BCAP29: variants seen among roughly 807,000 people sequenced by gnomAD.
BCAP29 encodes the protein B cell receptor associated protein 29, also known as B-cell receptor-associated protein 29.
BCAP29 carries 34 observed loss-of-function variants against 31.8 expected under a neutral mutation model. The ratio of observed to expected loss-of-function variants is 1.07; its 90% CI spans 0.81 to 1.42. The LOEUF (loss-of-function observed/expected upper bound fraction) is 1.42. Ranked by LOEUF, BCAP29 falls within the 40% of genes most tolerant of loss-of-function variation. The pLI is 0.00. For synonymous variants in BCAP29, 104 were observed against 91.3 expected (o/e 1.14, Z -0.79); for missense variants, 314 against 269.2 (o/e 1.17, Z -1.16).
chr7:107,580,904 C>A, intron 2 of BCAP29, 40 bp downstream of exon 2: 1 of 1,456,294 alleles, frequency 6.9e-7, no homozygotes, highest in South Asian at 1.3e-5. Flanking sequence ...AATATTGGAT[C>A]GCTCTTAATG....
At chr7:107,597,779 T>G (rs372566499) in intron 5 of BCAP29, among the ~76,000 whole-genome samples, 2 of 152,230 alleles carry the variant, frequency 1.3e-5, no homozygotes, top group African/African-American at 4.8e-5. Context: ...AACTCCTATG[T>G]TATCTGATAG....
chr7:107,595,866 G>C lies in BCAP29; in HGVS notation c.345-1G>C. The C allele has an allele frequency of 6.3e-7, 1 of 1,590,466 alleles. No homozygotes were observed. The highest frequency in any genetic ancestry group is 8.5e-7 in the Non-Finnish European group (1 of 1,173,736). On this transcript the variant is annotated splice_acceptor_variant, in intron 4 of 7. Coordinates refer to ENST00000005259, the MANE Select transcript of BCAP29 (RefSeq NM_018844.4). LOFTEE classifies it high-confidence loss of function. ...TACATTATTCTGGTTTTTTTTCTTAGAGTTTTGAGACGTCTGGTTACGCTT... is the reference window on the plus strand; with the variant it reads ...TACATTATTCTGGTTTTTTTTCTTACAGTTTTGAGACGTCTGGTTACGCTT...
At chr7:107,594,303 T>C in intron 4 of BCAP29, 198 bp downstream of exon 4, 1 of 544,576 alleles carries the variant, frequency 1.8e-6, no homozygotes, top group Non-Finnish European at 3.2e-6. Flanking sequence ...ATCCTGCCTC[T>C]TCAACCTCTC....
chr7:107,613,692 C>T, intron 7 of BCAP29: 1 of 1,605,156 alleles, frequency 6.2e-7, no homozygotes, highest in Non-Finnish European at 8.5e-7. Flanking sequence ...AAAGAAGCCA[C>T]AAAAATGGCA....
At chr7:107,615,950 C>T (rs2129293294) in intron 7 of BCAP29, 1 of 152,520 alleles carries the variant, frequency 6.6e-6, no homozygotes, top group South Asian at 2.1e-4. Context: ...TCGAAAGTAA[C>T]TAGAAAGTGA....
At chr7:107,582,468 A>T (rs1177250512) in intron 2 of BCAP29, among the ~76,000 whole-genome samples, 1 of 152,156 alleles carries the variant, frequency 6.6e-6, no homozygotes, top group Non-Finnish European at 1.5e-5. Flanking sequence ...ATATTTCATC[A>T]TTTAGTCTCT....
chr7:107,618,387 A>G lies in BCAP29; in HGVS notation c.*24A>G. The G allele has an allele frequency of 2.5e-6, 4 of 1,611,738 alleles. No homozygotes were observed. Among genetic ancestry groups the G allele is most frequent in the Non-Finnish European group, 3.4e-6 (4 of 1,178,208 alleles). On this transcript the variant is annotated 3_prime_UTR_variant, in exon 8 of 8. Coordinates refer to ENST00000005259, the MANE Select transcript of BCAP29 (RefSeq NM_018844.4). ...GAACTTTATAAAAGACACTTGCAATATACTGTGTCAAAATGATAATTTTGT... is the reference window on the plus strand; with the variant it reads ...GAACTTTATAAAAGACACTTGCAATGTACTGTGTCAAAATGATAATTTTGT...
In BCAP29 at chr7:107,613,748, T is replaced by G. The variant is rs771694294; in HGVS notation, c.690+316T>G. ...TCTAGAAAAGGTGAGTTTTGCTCTTTGGGATGTTTGCCATATTCATGCCAA... is the reference window on the plus strand; with the variant it reads ...TCTAGAAAAGGTGAGTTTTGCTCTTGGGGATGTTTGCCATATTCATGCCAA... On this transcript the variant is annotated intron_variant, in intron 7 of 7. Coordinates refer to ENST00000005259, the MANE Select transcript of BCAP29 (RefSeq NM_018844.4). 4 of 1,608,614 alleles carry G rather than the reference T, an allele frequency of 2.5e-6. No homozygotes were observed. In the African/African-American group the frequency reaches 5.4e-5, roughly 22 times the overall value.
Position 107,593,599 on chromosome 7 carries a change from A to G in BCAP29, c.194-356A>G, listed in dbSNP as rs114559238. On this transcript the variant is annotated intron_variant, in intron 3 of 7. Transcript: ENST00000005259. ...CTCTTGGAATTGATTGTAATGGGAT[A>G]TGACATCTGTCATTGTCAATAGGCT... 4.4e-3 allele frequency among the ~76,000 whole-genome samples: 668 copies of G among 152,352 alleles called. 8 individuals carry two copies. The highest frequency in any genetic ancestry group is 0.015 in the African/African-American group (630 of 41,588).
rs1563141354 is a variant in BCAP29, at chr7:107,612,418, TATATATATATATATA to T, written c.590-913_590-899del. Among the ~76,000 whole-genome samples the T allele has an allele frequency of 5.6e-3, 244 of 43,272 alleles. 4 individuals carry two copies. Among genetic ancestry groups the T allele is most frequent in the South Asian group, 0.015 (8 of 540 alleles). The allele number at this position is 43,272 out of a possible 152,430, so 28.4% of individuals were successfully genotyped here. A position where few individuals can be genotyped will look rare whatever the true frequency, so the allele number is the denominator to read the frequency against. ...ATATATATATATATATATATATATA[TATATATATATATATA>T]TATATATTTATTTTACTTCTATCTA... On this transcript the variant is annotated intron_variant, in intron 6 of 7. Coordinates refer to ENST00000005259, the MANE Select transcript of BCAP29 (RefSeq NM_018844.4).
intron 6 of BCAP29, among the ~76,000 whole-genome samples, chr7:107,605,045 A>G (rs1811833657): frequency 6.6e-6 from 1 of 152,134 alleles, no homozygotes; most frequent in Admixed American, 6.6e-5. Flanking sequence ...CTATCAGAGT[A>G]CTTTTCTTGG....
At chr7:107,611,700 C>T (rs1424146026) in intron 6 of BCAP29, among the ~76,000 whole-genome samples, 1 of 152,172 alleles carries the variant, frequency 6.6e-6, no homozygotes, top group Non-Finnish European at 1.5e-5. Flanking sequence ...AAGTGTCTTC[C>T]ATACCTGACT....
intron 7 of BCAP29, chr7:107,613,808 A>G: frequency 2.8e-6 from 3 of 1,067,100 alleles, no homozygotes; most frequent in East Asian, 4.8e-5. Flanking sequence ...ACATCACACT[A>G]CTCTTGTCTC....
chr7:107,608,565 C>G (rs1812583649), intron 6 of BCAP29, among the ~76,000 whole-genome samples: 1 of 151,948 alleles, frequency 6.6e-6, no homozygotes, highest in Non-Finnish European at 1.5e-5. Context: ...CTGCCCCATT[C>G]TTAGAATCAA....
At chr7:107,599,293 A>AT (rs1299224433) in intron 5 of BCAP29, among the ~76,000 whole-genome samples, 1,223 of 40,978 alleles carry the variant, frequency 0.03, 62 homozygotes, top group African/African-American at 0.07. Context: ...TTTTATATAT[A>AT]AATTATATAT....
chr7:107,611,250 AC>A (rs1813074218), intron 6 of BCAP29, among the ~76,000 whole-genome samples: 1 of 152,114 alleles, frequency 6.6e-6, no homozygotes, highest in Non-Finnish European at 1.5e-5. Context: ...AAGCATTCGG[AC>A]CATAACAACA....
At chr7:107,591,796 A>G (rs1056709086) in intron 3 of BCAP29, among the ~76,000 whole-genome samples, 4 of 152,104 alleles carry the variant, frequency 2.6e-5, no homozygotes. Context: ...ACCTTATCCA[A>G]TCAAGTATTT....
chr7:107,615,412 A>G (rs1813934974), intron 7 of BCAP29: 1 of 437,628 alleles, frequency 2.3e-6, no homozygotes. Flanking sequence ...CTGGCTAACA[A>G]GGTGAAACCC....
At chr7:107,607,639 T>C (rs1320901990) in intron 6 of BCAP29, among the ~76,000 whole-genome samples, 1 of 149,668 alleles carries the variant, frequency 6.7e-6, no homozygotes, top group Non-Finnish European at 1.5e-5. Flanking sequence ...CTTTTTCTTT[T>C]TTTTTTTTTT....
Sources: allele counts gnomAD v4.1 joint callset (sites outside exome capture counted in the v4.1 genomes callset), GRCh38; gene constraint gnomAD v4.1.1; transcripts MANE v1.5; gene names NCBI Gene and HGNC (gene_info 2026-07-23, HGNC 2026-07-21).